Variants in MCPH1 observed in about 807,000 individuals in gnomAD.
MCPH1 encodes the protein microcephalin 1.
In MCPH1, 104 loss-of-function variants were observed where a neutral mutation model predicts 84.5. The ratio of observed to expected loss-of-function variants is 1.23; its 90% CI spans 1.05 to 1.45. MCPH1 has a LOEUF of 1.45. Among genes scored for constraint, MCPH1 ranks in the 40% most tolerant of loss-of-function variants. The probability of loss-of-function intolerance (pLI) is 0.00; values close to 1 mark genes in which losing one functional copy is unlikely to be tolerated. For missense variants in MCPH1, 1,498 were observed against 1,005.7 expected, an observed-to-expected ratio of 1.49 and a Z score of -6.62; for synonymous variants, 514 against 366.8, an observed-to-expected ratio of 1.40 and a Z score of -4.58.
At position 6,414,878 on chromosome 8, in the gene MCPH1, G is replaced by A. The variant is rs2305022; in HGVS notation, c.228G>A (p.Val76=). 4 of 1,612,786 alleles carry A rather than the reference G, an allele frequency of 2.5e-6. No individual in the cohort carries two copies. Among genetic ancestry groups the A allele is most frequent in the Middle Eastern group, 1.7e-4 (1 of 6,056 alleles). Residue 76 remains valine, a synonymous_variant, in exon 3 of 14, where the codon GTG becomes GTA. Coordinates refer to ENST00000344683, the MANE Select transcript of MCPH1 (RefSeq NM_024596.5). Reference sequence around the variant, plus strand: ...TAAAGCTCGTTTCGGTGCTCTGGGTGGAAAAGTAAGCAGTTTCTCTCTTAC... The same window carrying A: ...TAAAGCTCGTTTCGGTGCTCTGGGTAGAAAAGTAAGCAGTTTCTCTCTTAC... ...RGVKLVSVLW[V]EKCRTAGAHI... is the part of the protein sequence containing the mutation.
chr8:6,508,720 C>T (rs1468845846), intron 12 of MCPH1: 2 of 670,308 alleles, frequency 3.0e-6, no homozygotes, highest in Non-Finnish European at 5.0e-6. Flanking sequence ...ACACAGTTGG[C>T]TTGCTGACAA....
In MCPH1 at chr8:6,520,607, G is replaced by A. The variant is rs183065303; in HGVS notation, c.2214+20678G>A. ...GACAGGATTTCACCATGTTGGCCACGCTGGTCTCCAACTCCTGTCCTCAAG... is the reference window on the plus strand; with the variant it reads ...GACAGGATTTCACCATGTTGGCCACACTGGTCTCCAACTCCTGTCCTCAAG... On this transcript the variant is annotated intron_variant, in intron 12 of 13. Coordinates refer to ENST00000344683, the MANE Select transcript of MCPH1 (RefSeq NM_024596.5). Among the ~76,000 whole-genome samples the A allele has an allele frequency of 1.1e-3, 162 of 152,176 alleles. 2 individuals carry two copies. The highest frequency in any genetic ancestry group is 3.8e-3 in the African/African-American group (158 of 41,514).
intron 12 of MCPH1, among the ~76,000 whole-genome samples, chr8:6,611,907 C>G (rs566683964): frequency 6.6e-6 from 1 of 152,192 alleles, no homozygotes; most frequent in African/African-American, 2.4e-5. Flanking sequence ...CGTGAGCCAC[C>G]GCGCCCGGCC....
chr8:6,412,932 G>T (rs917519974), intron 2 of MCPH1, among the ~76,000 whole-genome samples: 1 of 152,220 alleles, frequency 6.6e-6, no homozygotes, highest in South Asian at 2.1e-4. Flanking sequence ...ACGCTTTGCA[G>T]TACATTTCCT....
At chr8:6,552,707 C>A (rs1379536207) in intron 12 of MCPH1, among the ~76,000 whole-genome samples, 1 of 152,114 alleles carries the variant, frequency 6.6e-6, no homozygotes, top group African/African-American at 2.4e-5. Flanking sequence ...TACAAGTTCA[C>A]TGATGTAGGT....
At chr8:6,454,247 A>G (rs1251219547) in intron 8 of MCPH1, among the ~76,000 whole-genome samples, 1 of 152,124 alleles carries the variant, frequency 6.6e-6, no homozygotes, top group Non-Finnish European at 1.5e-5. Context: ...TATCTTGTGC[A>G]TTTTGCATCT....
Position 6,435,393 on chromosome 8 carries a change from G to A in MCPH1, c.322-655G>A, listed in dbSNP as rs1343157398. 5.9e-5 allele frequency among the ~76,000 whole-genome samples: 9 copies of A among 152,202 alleles called. No homozygotes were observed. The East Asian group carries it at 1.4e-3, about 23-fold the overall frequency. ...GAGACAGGAGGAAACTCTCAAATCC[G>A]CCTCCCTGAGGTGGGGGCTCAGGCA... On this transcript the variant is annotated intron_variant, in intron 4 of 13. Transcript: ENST00000344683.
intron 12 of MCPH1, among the ~76,000 whole-genome samples, chr8:6,597,518 C>T (rs1829022116): frequency 6.6e-6 from 1 of 152,074 alleles, no homozygotes; most frequent in Admixed American, 6.6e-5. Flanking sequence ...AACAAACAGC[C>T]CCAGGAACCC....
chr8:6,533,037 G>T (rs906648699), intron 12 of MCPH1, among the ~76,000 whole-genome samples: 1 of 152,236 alleles, frequency 6.6e-6, no homozygotes, highest in East Asian at 1.9e-4. Flanking sequence ...TCCACATTCT[G>T]TGGGGTCTTC....
chr8:6,623,107 C>A (rs1831644339), intron 13 of MCPH1, among the ~76,000 whole-genome samples: 1 of 147,712 alleles, frequency 6.8e-6, no homozygotes, highest in African/African-American at 2.5e-5. Flanking sequence ...CCTGCTTTGG[C>A]TTCCCAAAGT....
chr8:6,592,105 G>A (rs529423739), intron 12 of MCPH1, among the ~76,000 whole-genome samples: 11 of 152,184 alleles, frequency 7.2e-5, no homozygotes, highest in South Asian at 6.2e-4. Flanking sequence ...GTGTAACACC[G>A]TGTACCCATC....
Position 6,444,708 on chromosome 8 carries a change from A to G in MCPH1, c.986A>G (p.Lys329Arg), listed in dbSNP as rs1283831308. ...ATGTCTCAGGAGACGTTTGAAGAGA[A>G]GTATCGTTTGTCTCCTACCTTATCT... is the stretch of plus-strand genomic sequence containing the variant. ...AGMSQETFEE[K>R]YRLSPTLSST... Residue 329 changes from lysine to arginine, a missense_variant, in exon 8 of 14, where the codon AAG becomes AGG. Transcript: ENST00000344683. The G allele has an allele frequency of 6.2e-7, 1 of 1,614,088 alleles. No individual in the cohort carries two copies. The highest frequency in any genetic ancestry group is 8.5e-7 in the Non-Finnish European group (1 of 1,180,022).
At chr8:6,447,093 C>T (rs1013946431) in intron 8 of MCPH1, 4 of 985,306 alleles carry the variant, frequency 4.1e-6, no homozygotes, top group East Asian at 2.3e-4. Flanking sequence ...GCCTTCATGC[C>T]ATTACAGACA....
chr8:6,506,682 T>C (rs980193238), intron 12 of MCPH1, among the ~76,000 whole-genome samples: 8 of 151,482 alleles, frequency 5.3e-5, no homozygotes, highest in Non-Finnish European at 7.4e-5. Flanking sequence ...GCAAAATCAA[T>C]AGGAGGGCTT....
At chr8:6,447,174 T>C in intron 8 of MCPH1, 2 of 985,408 alleles carry the variant, frequency 2.0e-6, no homozygotes, top group Non-Finnish European at 2.4e-6. Flanking sequence ...AACCCTTTTA[T>C]AGTAATAAAG....
rs541105572 is a variant in MCPH1 at position 6,484,568 on chromosome 8, G to A, written c.2136+3692G>A. On this transcript the variant is annotated intron_variant, in intron 11 of 13. Transcript: ENST00000344683. ...GCTTGTGTTCACACAGAGTCTGTAC[G>A]CGAATATTTGTAGCAGCCTTACTTA... Among the ~76,000 whole-genome samples the A allele has an allele frequency of 8.1e-4, 123 of 152,338 alleles. 1 individual carries two copies. Among genetic ancestry groups the A allele is most frequent in the African/African-American group, 2.9e-3 (120 of 41,584 alleles).
At chr8:6,544,413 G>C (rs912837554) in intron 12 of MCPH1, among the ~76,000 whole-genome samples, 1 of 152,312 alleles carries the variant, frequency 6.6e-6, no homozygotes, top group East Asian at 1.9e-4. Flanking sequence ...GCAAATCACT[G>C]AACTTGTAAT....
chr8:6,585,510 G>C (rs1015850506), intron 12 of MCPH1, among the ~76,000 whole-genome samples: 1 of 152,210 alleles, frequency 6.6e-6, no homozygotes, highest in Admixed American at 6.5e-5. Flanking sequence ...ACATGCAGTT[G>C]GGCTGCTCTG....
chr8:6,521,025 C>A (rs1369692426), intron 12 of MCPH1, among the ~76,000 whole-genome samples: 1 of 152,138 alleles, frequency 6.6e-6, no homozygotes, highest in Admixed American at 6.5e-5. Context: ...TATATTTCCC[C>A]TTCTCTTCTT....
Sources: gnomAD v4.1 joint callset for allele counts (sites outside exome capture counted in the v4.1 genomes callset) on GRCh38, gnomAD v4.1.1 for gene constraint, MANE v1.5 for transcripts, NCBI Gene and HGNC (gene_info 2026-07-23, HGNC 2026-07-21) for gene names.